The following DPH6 variants were observed in gnomAD, a reference collection of about 807,000 sequenced individuals.
DPH6 encodes diphthine--ammonia ligase.
In DPH6, 33 loss-of-function variants were observed where a neutral mutation model predicts 38.2. The observed-to-expected ratio is 0.86, with a 90% CI of 0.65 to 1.15. DPH6 has a LOEUF of 1.15. Among genes scored for constraint, DPH6 ranks in the 50% most tolerant of loss-of-function variants. DPH6 has a pLI of 0.00. For missense variants in DPH6, 325 were observed against 320.0 expected (o/e 1.02, Z -0.12); for synonymous variants, 108 against 103.0 (o/e 1.05, Z -0.30).
At chr15:35,401,636 G>T (rs769056926) in intron 6 of DPH6, 175 of 755,226 alleles carry the variant, frequency 2.3e-4, no homozygotes, top group Non-Finnish European at 3.7e-4. Context: ...GAACCATGAA[G>T]GTAGGAAACT....
Position 35,514,081 on chromosome 15 carries a change from T to C in DPH6, c.312+24193A>G, listed in dbSNP as rs1038190861. Reference sequence around the variant, plus strand: ...TATATAAAACCAGGAATCCAGCTAATAGCTGTGATTTGCATACATAGTAGG... The same window carrying C: ...TATATAAAACCAGGAATCCAGCTAACAGCTGTGATTTGCATACATAGTAGG... On this transcript the variant is annotated intron_variant, in intron 3 of 8. Coordinates refer to ENST00000256538, the MANE Select transcript of DPH6 (RefSeq NM_080650.4). 4.6e-5 allele frequency among the ~76,000 whole-genome samples: 7 copies of C among 152,042 alleles called. 1 individual carries two copies. Among genetic ancestry groups the C allele is most frequent in the Admixed American group, 1.3e-4 (2 of 15,284 alleles).
At chr15:35,159,232 G>A in the DPH6 span, among the ~76,000 whole-genome samples, 58 of 152,084 alleles carry the variant, frequency 3.8e-4, no homozygotes, top group African/African-American at 1.3e-3. Flanking sequence ...TGTACTCTGC[G>A]TTTTCTTTCT....
At chr15:35,212,673 T>A (rs2051394138), downstream of DPH6, among the ~76,000 whole-genome samples, 2 of 152,336 alleles carry the variant, frequency 1.3e-5, no homozygotes, top group Middle Eastern at 6.8e-3. Flanking sequence ...AATAGTACTT[T>A]TTATGATGAG....
At chr15:35,226,946 G>T (rs1337724149) in intron 3 of DPH6, among the ~76,000 whole-genome samples, 1 of 152,030 alleles carries the variant, frequency 6.6e-6, no homozygotes, top group Non-Finnish European at 1.5e-5. Context: ...AAGCCATTAG[G>T]TTCTGTCTGG....
intron 5 of DPH6, among the ~76,000 whole-genome samples, chr15:35,432,258 T>C (rs921297571): frequency 5.9e-5 from 9 of 152,194 alleles, no homozygotes; most frequent in Non-Finnish European, 2.9e-5. Flanking sequence ...ATGTGAACTA[T>C]TTCATGGAAG....
At chr15:35,274,891 G>C (rs2140430473) in intron 3 of DPH6, among the ~76,000 whole-genome samples, 1 of 151,966 alleles carries the variant, frequency 6.6e-6, no homozygotes, top group Non-Finnish European at 1.5e-5. Flanking sequence ...CCCATTATTG[G>C]GTATATACCC....
chr15:35,270,545 G>A (rs1238822143), intron 3 of DPH6, among the ~76,000 whole-genome samples: 10 of 152,148 alleles, frequency 6.6e-5, no homozygotes, highest in Non-Finnish European at 8.8e-5. Context: ...TGATTTTTCC[G>A]TAGTTATTTC....
At chr15:35,509,227 A>C (rs2054735328) in intron 3 of DPH6, among the ~76,000 whole-genome samples, 1 of 152,170 alleles carries the variant, frequency 6.6e-6, no homozygotes. Flanking sequence ...CCCATTTTTA[A>C]CCATCCTGTT....
chr15:35,233,719 T>G (rs2051533958), intron 3 of DPH6, among the ~76,000 whole-genome samples: 1 of 152,186 alleles, frequency 6.6e-6, no homozygotes, highest in Non-Finnish European at 1.5e-5. Flanking sequence ...ATGTCCTCTC[T>G]GACTGCACCC....
Position 35,381,849 on chromosome 15 carries a change from C to CA in DPH6, c.634dup (p.Cys212LeufsTer5). 6.2e-7 allele frequency: 1 copy of CA among 1,612,942 alleles called. No homozygotes were observed. Among genetic ancestry groups the CA allele is most frequent in the African/African-American group, 1.3e-5 (1 of 74,968 alleles). On this transcript the variant is annotated frameshift_variant, in exon 7 of 9. Transcript: ENST00000256538. LOFTEE classifies it high-confidence loss of function. ...AATTATTTTCTTCTTAAATAGAGGGCAATCCAAAGTGAAAGTTTCATACTC... is the reference window on the plus strand; with the variant it reads ...AATTATTTTCTTCTTAAATAGAGGGCAAATCCAAAGTGAAAGTTTCATACTC...
the DPH6 span, among the ~76,000 whole-genome samples, chr15:35,195,335 A>T: frequency 2.0e-5 from 3 of 152,210 alleles, no homozygotes; most frequent in Non-Finnish European, 4.4e-5. Context: ...ACTGAGGTTG[A>T]TTCCCTATTT....
the DPH6 span, among the ~76,000 whole-genome samples, chr15:35,187,402 C>A: frequency 2.0e-5 from 3 of 152,114 alleles, no homozygotes; most frequent in African/African-American, 7.2e-5. Flanking sequence ...TGCAAATGTA[C>A]CAGTAATAGC....
Position 35,298,721 on chromosome 15 carries a change from T to C in DPH6, n.200+74800A>G, listed in dbSNP as rs971005500. 5.7e-6 allele frequency: 9 copies of C among 1,581,530 alleles called. No homozygotes were observed. The African/African-American group carries it at 1.1e-4, about 19-fold the overall frequency. On this transcript the variant is annotated intron_variant and non_coding_transcript_variant, in intron 3 of 3. Coordinates refer to the DPH6 transcript ENST00000560386. ...CTGGCCCTCCCGGAAGCCGTACTTC[T>C]GTATGATCTTGTGCGCCACCGTGCC...
chr15:35,521,479 T>C (rs2054922285), intron 3 of DPH6: 18 of 1,202,726 alleles, frequency 1.5e-5, no homozygotes, highest in Non-Finnish European at 1.8e-5. Flanking sequence ...CTAACAAAAT[T>C]AATGCTTACA....
chr15:35,315,490 T>C (rs950216074), intron 3 of DPH6, among the ~76,000 whole-genome samples: 4 of 152,230 alleles, frequency 2.6e-5, no homozygotes, highest in African/African-American at 9.6e-5. Context: ...AACAGTGACA[T>C]ATTATCTCTC....
intron 5 of DPH6, among the ~76,000 whole-genome samples, chr15:35,424,061 T>C (rs2053539114): frequency 7.2e-6 from 1 of 139,768 alleles, no homozygotes; most frequent in African/African-American, 3.0e-5. Flanking sequence ...TGTGGTTCCA[T>C]ATGAATTTTG....
intron 2 of DPH6, 90 bp from the exon 3 acceptor site, chr15:35,538,557 T>A: frequency 8.6e-7 from 1 of 1,165,586 alleles, no homozygotes; most frequent in Non-Finnish European, 1.1e-6. Context: ...GCTTGAATAG[T>A]CGACACAGAA....
intron 5 of DPH6, among the ~76,000 whole-genome samples, chr15:35,447,115 C>T (rs954214626): frequency 6.6e-5 from 10 of 152,016 alleles, no homozygotes; most frequent in South Asian, 2.1e-4. Context: ...GTGATCCGCC[C>T]GCCTCGGCCT....
chr15:35,211,881 G>T, the DPH6 span, among the ~76,000 whole-genome samples: 1 of 152,088 alleles, frequency 6.6e-6, no homozygotes, highest in Non-Finnish European at 1.5e-5. Flanking sequence ...ATGTTCCAGG[G>T]ATTACCTGCC....
Sources: gnomAD v4.1 joint callset for allele counts (sites outside exome capture counted in the v4.1 genomes callset) on GRCh38, gnomAD v4.1.1 for gene constraint, MANE v1.5 for transcripts, NCBI Gene and HGNC (gene_info 2026-07-23, HGNC 2026-07-21) for gene names.